The following VPS13C variants were observed in gnomAD, a reference collection of about 807,000 sequenced individuals.
The protein encoded by VPS13C is intermembrane lipid transfer protein VPS13C.
Under a neutral mutation model 456.8 loss-of-function variants are expected in VPS13C, and 358 were observed. The ratio of observed to expected loss-of-function variants is 0.78; its 90% confidence interval spans 0.72 to 0.86. The LOEUF (loss-of-function observed/expected upper bound fraction) is 0.86, where lower values mean the gene tolerates loss of function less well. Ranked by LOEUF, VPS13C falls within the 40% of genes least tolerant of loss-of-function variation. The pLI is 0.00. For missense variants in VPS13C, 4,818 were observed against 4,385.4 expected (o/e 1.10, Z -2.79); for synonymous variants, 1,578 against 1,486.7 (o/e 1.06, Z -1.41).
intron 43 of VPS13C, among the ~76,000 whole-genome samples, chr15:61,946,648 C>A (rs181624089): frequency 1.1e-4 from 16 of 144,188 alleles, no homozygotes; most frequent in Admixed American, 1.4e-4. Flanking sequence ...ATTTTAAAAC[C>A]AAAAAAAAAA....
intron 9 of VPS13C, among the ~76,000 whole-genome samples, chr15:62,018,625 C>G (rs1027955883): frequency 1.3e-5 from 2 of 151,718 alleles, no homozygotes; most frequent in Non-Finnish European, 2.9e-5. Context: ...CCTTGCATCC[C>G]AGGGATGAAG....
intron 16 of VPS13C, among the ~76,000 whole-genome samples, chr15:61,995,589 T>C (rs149038215): frequency 6.6e-6 from 1 of 152,324 alleles, no homozygotes; most frequent in African/African-American, 2.4e-5. Context: ...CATGTTATGG[T>C]TGTCTATGTT....
In VPS13C at chr15:61,963,873, C is replaced by T; in HGVS notation, c.3293G>A (p.Cys1098Tyr). 6.2e-7 allele frequency: 1 copy of T among 1,611,922 alleles called. No individual in the cohort carries two copies. Among genetic ancestry groups the T allele is most frequent in the Non-Finnish European group, 8.5e-7 (1 of 1,178,746 alleles). Reference sequence around the variant, plus strand: ...TTCGGCGATATTGTTCTTTTCGTTGCAAACAATGACACAGAAAGCATTCAA... The same window carrying T: ...TTCGGCGATATTGTTCTTTTCGTTGTAAACAATGACACAGAAAGCATTCAA... ...AKLNAFCVIV[C>Y]NEKNNIAEIK... The change falls in exon 32 of 85, where the codon TGC (cysteine) becomes TAC (tyrosine). Residue 1098 changes from cysteine (C) to tyrosine (Y), a missense_variant. By Grantham distance (194) the Cys-to-Tyr change is radical (BLOSUM62 -2). This residue lies in a region of VPS13C where 4,552 missense variants were observed against 4,130.6 expected (regional missense o/e 1.10). Transcript: ENST00000644861.
intron 47 of VPS13C, 92 bp from the exon 48 acceptor site, chr15:61,936,842 T>C: frequency 7.8e-7 from 1 of 1,277,340 alleles, no homozygotes; most frequent in Non-Finnish European, 1.1e-6. Flanking sequence ...TCAAATTAAT[T>C]GTTCACCTAC....
At chr15:61,912,796 C>A (rs554623903) in intron 62 of VPS13C, among the ~76,000 whole-genome samples, 1 of 109,222 alleles carries the variant, frequency 9.2e-6, no homozygotes, top group Admixed American at 1.0e-4. Context: ...TCCCCCCTCC[C>A]CCCACCCCAA....
At chr15:62,036,744 T>C (rs983572132) in intron 3 of VPS13C, among the ~76,000 whole-genome samples, 4 of 152,048 alleles carry the variant, frequency 2.6e-5, no homozygotes, top group African/African-American at 9.7e-5. Flanking sequence ...TCTACATTTA[T>C]ACTAATTATC....
intron 3 of VPS13C, among the ~76,000 whole-genome samples, chr15:62,040,051 T>C (rs897148826): frequency 1.1e-4 from 16 of 152,100 alleles, no homozygotes; most frequent in African/African-American, 3.9e-4. Context: ...GATCCTGCCA[T>C]TTGCAACAAC....
chr15:61,976,196 A>T (rs538874857), intron 24 of VPS13C, among the ~76,000 whole-genome samples: 1 of 152,148 alleles, frequency 6.6e-6, no homozygotes, highest in Admixed American at 6.5e-5. Flanking sequence ...CATCATTACC[A>T]AGTGAGGTTA....
rs1280418251 is a variant in VPS13C, at chr15:62,033,431, A to C, written c.385+10T>G. On this transcript the variant is annotated intron_variant, in intron 5 of 84. Coordinates refer to ENST00000644861, the MANE Select transcript of VPS13C (RefSeq NM_020821.3). ...GGTATGTCTAAGTTTATCTCAAAAA[A>C]ACTTTTTACCTTTTTCTGCTGCTTT... 1.3e-6 allele frequency: 2 copies of C among 1,583,634 alleles called. No homozygotes were observed. Among genetic ancestry groups the C allele is most frequent in the African/African-American group, 1.4e-5 (1 of 73,470 alleles).
intron 82 of VPS13C, among the ~76,000 whole-genome samples, chr15:61,859,063 T>A (rs17205225): frequency 6.6e-6 from 1 of 151,892 alleles, no homozygotes; most frequent in African/African-American, 2.4e-5. Flanking sequence ...AAGCTACAAG[T>A]GATATCAAAT....
Position 62,037,328 on chromosome 15 carries a change from ATACATT to A in VPS13C, c.188-2282_188-2277del, listed in dbSNP as rs1219053680. Among the ~76,000 whole-genome samples, 162 of 87,450 alleles carry A rather than the reference ATACATT, an allele frequency of 1.9e-3. 4 individuals carry two copies. The highest frequency in any genetic ancestry group is 6.7e-3 in the African/African-American group (145 of 21,710). 57.4% of individuals were successfully genotyped at this position (87,450 alleles called of 152,430 possible). ...TATATATAAATATATTATATATTAT[ATACATT>A]TATATATAATATATTATATATAAAT... is the stretch of plus-strand genomic sequence containing the variant. On this transcript the variant is annotated intron_variant, in intron 3 of 84. Coordinates refer to ENST00000644861, the MANE Select transcript of VPS13C (RefSeq NM_020821.3).
At chr15:61,973,304 C>A (rs1596404511) in intron 26 of VPS13C, 150 bp downstream of exon 26, 1 of 590,256 alleles carries the variant, frequency 1.7e-6, no homozygotes, top group East Asian at 2.9e-5. Flanking sequence ...GGATAAGAGA[C>A]TCAGAGTCAC....
At chr15:62,015,783 G>A (rs2047217372) in intron 9 of VPS13C, among the ~76,000 whole-genome samples, 1 of 114,230 alleles carries the variant, frequency 8.8e-6, no homozygotes, top group Non-Finnish European at 1.8e-5. Context: ...TGGTGGGGTC[G>A]GGGGAGGGGG....
At chr15:61,999,297 T>C (rs1255614419) in intron 16 of VPS13C, among the ~76,000 whole-genome samples, 1 of 151,414 alleles carries the variant, frequency 6.6e-6, no homozygotes, top group Non-Finnish European at 1.5e-5. Context: ...GAGAATCGCT[T>C]GAAACCTGGG....
Position 61,873,229 on chromosome 15 carries a change from T to C in VPS13C, c.10578+17A>G, listed in dbSNP as rs1895163953. The C allele has an allele frequency of 2.5e-6, 4 of 1,612,004 alleles. No homozygotes were observed. The highest frequency in any genetic ancestry group is 1.6e-4 in the Middle Eastern group (1 of 6,068). ...TTTTAAGTTGCAGATTTCTTAAAGA[T>C]TCAGCAAAGAACTTACTCGCAGAAA... On this transcript the variant is annotated intron_variant, in intron 78 of 84. Coordinates refer to ENST00000644861, the MANE Select transcript of VPS13C (RefSeq NM_020821.3).
In VPS13C at chr15:61,858,161, C is replaced by A. The variant is rs1894023264; in HGVS notation, c.10953-1752G>T. Among the ~76,000 whole-genome samples, 1 of 152,140 alleles carries A rather than the reference C, an allele frequency of 6.6e-6. No individual in the cohort carries two copies. Among genetic ancestry groups the A allele is most frequent in the Admixed American group, 6.5e-5 (1 of 15,274 alleles). ...ATCTTTAAACTCTTCTCTTTACCATCCCAATAATACTACCGTTCTCCTTCC... is the reference window on the plus strand; with the variant it reads ...ATCTTTAAACTCTTCTCTTTACCATACCAATAATACTACCGTTCTCCTTCC... On this transcript the variant is annotated intron_variant, in intron 82 of 84. Coordinates refer to ENST00000644861, the MANE Select transcript of VPS13C (RefSeq NM_020821.3). The surrounding 1 kb of genome is among the most constrained non-coding windows in gnomAD (Gnocchi z 4.4).
intron 47 of VPS13C, among the ~76,000 whole-genome samples, chr15:61,937,769 A>T (rs1488358006): frequency 6.6e-6 from 1 of 152,108 alleles, no homozygotes; most frequent in Admixed American, 6.5e-5. Context: ...CAAGTTTCTT[A>T]ATCTCTAAAA....
chr15:61,992,256 T>C (rs2046246110), intron 16 of VPS13C, among the ~76,000 whole-genome samples: 1 of 152,164 alleles, frequency 6.6e-6, no homozygotes, highest in Admixed American at 6.5e-5. Context: ...GAAGGAGGGA[T>C]ATAAATTAAA....
chr15:61,905,488 G>A (rs763682381), intron 66 of VPS13C, among the ~76,000 whole-genome samples: 1 of 152,200 alleles, frequency 6.6e-6, no homozygotes, highest in East Asian at 1.9e-4. Context: ...TAACTGATGG[G>A]AAGCATGGTC....
Sources: allele counts gnomAD v4.1 joint callset (sites outside exome capture counted in the v4.1 genomes callset), GRCh38; gene constraint gnomAD v4.1.1; regional missense constraint gnomAD v4.1.1; non-coding constraint Gnocchi (gnomAD v3.1); transcripts MANE v1.5; gene names NCBI Gene and HGNC (gene_info 2026-07-23, HGNC 2026-07-21).